Variants in TENM3 observed in about 807,000 individuals in gnomAD.
TENM3 encodes the protein teneurin transmembrane protein 3, also known as teneurin-3.
In TENM3, 63 loss-of-function variants were observed where a neutral mutation model predicts 255.1. That is an observed-to-expected ratio of 0.25 (90% CI 0.20 to 0.30). The LOEUF is 0.30. Ranked by LOEUF, TENM3 falls within the 10% of genes least tolerant of loss-of-function variation. TENM3 has a pLI of 1.00. For missense variants in TENM3, 2,929 were observed against 3,461.1 expected (o/e 0.85, Z 3.86); for synonymous variants, 1,306 against 1,322.3 (o/e 0.99, Z 0.27).
intron 2 of TENM3, among the ~76,000 whole-genome samples, chr4:182,337,796 G>A (rs1347957634): frequency 6.6e-6 from 1 of 152,164 alleles, no homozygotes; most frequent in Non-Finnish European, 1.5e-5. Context: ...TAGAATATGA[G>A]TTGGCAACAC....
chr4:181,796,055 A>G, the TENM3 span, among the ~76,000 whole-genome samples: 2 of 152,218 alleles, frequency 1.3e-5, no homozygotes, highest in South Asian at 4.1e-4. Context: ...TATGGGCTAC[A>G]GAATAAACAG....
the TENM3 span, among the ~76,000 whole-genome samples, chr4:181,952,883 A>T: frequency 6.6e-6 from 1 of 152,214 alleles, no homozygotes; most frequent in South Asian, 2.1e-4. Flanking sequence ...AAGGGACCTC[A>T]TCCTCATTCC....
intron 3 of TENM3, among the ~76,000 whole-genome samples, chr4:182,348,125 A>T (rs1349548840): frequency 6.6e-6 from 1 of 152,202 alleles, no homozygotes; most frequent in African/African-American, 2.4e-5. Flanking sequence ...TAAGTAGAAT[A>T]TCTTAGTGCA....
chr4:182,297,590 C>T (rs1488968677), intron 1 of TENM3, among the ~76,000 whole-genome samples: 2 of 152,172 alleles, frequency 1.3e-5, no homozygotes, highest in East Asian at 1.9e-4. Context: ...AGCTGCCTTA[C>T]GTCAGACACA....
chr4:182,368,070 G>A (rs1210436977), intron 3 of TENM3, among the ~76,000 whole-genome samples: 2 of 152,196 alleles, frequency 1.3e-5, no homozygotes, highest in East Asian at 3.9e-4. Flanking sequence ...GAATAGCAGA[G>A]TCTGAGAATA....
intron 1 of TENM3, among the ~76,000 whole-genome samples, chr4:182,278,896 A>C (rs1487468525): frequency 2.0e-5 from 3 of 152,224 alleles, no homozygotes; most frequent in Non-Finnish European, 4.4e-5. Flanking sequence ...TTTTGTGCTG[A>C]AACGAACAGC....
At chr4:181,979,288 G>A in the TENM3 span, among the ~76,000 whole-genome samples, 97 of 150,822 alleles carry the variant, frequency 6.4e-4, no homozygotes, top group African/African-American at 2.3e-3. Context: ...AAGCTGTCTG[G>A]TGGCCAAATA....
chr4:181,936,585 G>C, the TENM3 span, among the ~76,000 whole-genome samples: 1 of 152,040 alleles, frequency 6.6e-6, no homozygotes, highest in African/African-American at 2.4e-5. Flanking sequence ...CAGCCATCTG[G>C]GGGTGAACAA....
chr4:182,526,540 A>C (rs927453886), intron 3 of TENM3, among the ~76,000 whole-genome samples: 1 of 152,180 alleles, frequency 6.6e-6, no homozygotes, highest in Non-Finnish European at 1.5e-5. Flanking sequence ...AAGGAAATTA[A>C]AATGGGAAAA....
intron 3 of TENM3, among the ~76,000 whole-genome samples, chr4:182,387,958 A>G (rs544008781): frequency 8.6e-5 from 13 of 151,626 alleles, no homozygotes; most frequent in African/African-American, 3.2e-4. Context: ...AAAAAAACCA[A>G]CAAACGAAAC....
At chr4:182,026,750 G>T in the TENM3 span, among the ~76,000 whole-genome samples, 1 of 152,038 alleles carries the variant, frequency 6.6e-6, no homozygotes, top group African/African-American at 2.4e-5. Flanking sequence ...TTGGCACCTT[G>T]GTTGAAAATG....
At chr4:182,605,062 C>T (rs916811537) in intron 4 of TENM3, among the ~76,000 whole-genome samples, 1 of 152,122 alleles carries the variant, frequency 6.6e-6, no homozygotes, top group Non-Finnish European at 1.5e-5. Context: ...AACAGTCATA[C>T]ACACACCGGG....
the TENM3 span, among the ~76,000 whole-genome samples, chr4:181,614,059 G>A: frequency 1.3e-5 from 2 of 151,676 alleles, no homozygotes; most frequent in Non-Finnish European, 2.9e-5. Flanking sequence ...AACATACAAT[G>A]GAGCTATTAT....
chr4:182,335,494 C>CAGAAAAAA (rs1554051180), intron 2 of TENM3, among the ~76,000 whole-genome samples: 1 of 52,400 alleles, frequency 1.9e-5, no homozygotes, highest in African/African-American at 6.9e-5. Flanking sequence ...GACTCCGCCT[C>CAGAAAAAA]AAAAAAAAAA....
chr4:182,680,305 C>T lies in TENM3; in HGVS notation c.1595C>T (p.Thr532Ile), dbSNP rs1414859970. The T allele has an allele frequency of 1.4e-5, 23 of 1,613,636 alleles. No individual in the cohort carries two copies. The highest frequency in any genetic ancestry group is 1.5e-5 in the Non-Finnish European group (18 of 1,179,820). ...CHGNGECVSG[T>I]CHCFPGFLGP... is the part of the protein sequence containing the mutation. ...GGAAATGGAGAATGCGTTTCTGGAA[C>T]TTGCCATTGTTTTCCAGGATTTCTG... The change falls in exon 9 of 28, where the codon ACT (threonine) becomes ATT (isoleucine). Residue 532 changes from threonine (T) to isoleucine (I), a missense_variant. Thr to Ile is a moderately conservative substitution (Grantham distance 89). Transcript: ENST00000511685.
intron 6 of TENM3, among the ~76,000 whole-genome samples, chr4:182,662,672 A>G (rs1198018817): frequency 1.3e-5 from 2 of 152,150 alleles, no homozygotes; most frequent in African/African-American, 4.8e-5. Context: ...TTTCTTCTGA[A>G]GCCAAAGTTT....
At chr4:181,709,523 G>A in the TENM3 span, among the ~76,000 whole-genome samples, 1 of 152,234 alleles carries the variant, frequency 6.6e-6, no homozygotes, top group East Asian at 1.9e-4. Context: ...GTAATGTGAG[G>A]GAGGCAGAAT....
At chr4:181,981,298 A>G in the TENM3 span, among the ~76,000 whole-genome samples, 1 of 152,130 alleles carries the variant, frequency 6.6e-6, no homozygotes, top group Non-Finnish European at 1.5e-5. Context: ...GTTCCAATCT[A>G]ATCCATGCAT....
chr4:182,230,772 G>A (rs1397843209), intron 1 of TENM3, among the ~76,000 whole-genome samples: 1 of 136,254 alleles, frequency 7.3e-6, no homozygotes, highest in East Asian at 2.2e-4. Flanking sequence ...TAAATTTTGT[G>A]TTATGAAAAC....
Sources: allele counts gnomAD v4.1 joint callset (sites outside exome capture counted in the v4.1 genomes callset), GRCh38; gene constraint gnomAD v4.1.1; transcripts MANE v1.5; gene names NCBI Gene and HGNC (gene_info 2026-07-23, HGNC 2026-07-21).